KIAA0825: variants seen among roughly 807,000 people sequenced by gnomAD.
KIAA0825 encodes uncharacterized protein KIAA0825.
Under a neutral mutation model 147.6 loss-of-function variants are expected in KIAA0825, and 119 were observed. That is an observed-to-expected ratio of 0.81 (90% CI 0.69 to 0.94). KIAA0825 has a LOEUF of 0.94. Ranked by LOEUF, KIAA0825 falls within the 40% of genes least tolerant of loss-of-function variation. KIAA0825 has a pLI of 0.00. For missense variants in KIAA0825, 1,381 were observed against 1,472.7 expected (o/e 0.94, Z 1.02); for synonymous variants, 470 against 518.1 (o/e 0.91, Z 1.26).
intron 2 of KIAA0825, among the ~76,000 whole-genome samples, chr5:94,574,998 T>C (rs1376309056): frequency 6.6e-6 from 1 of 152,198 alleles, no homozygotes. Context: ...GCCCTTGTAA[T>C]TAAAGTGATG....
At chr5:94,215,661 A>G (rs1185871151) in intron 20 of KIAA0825, among the ~76,000 whole-genome samples, 2 of 151,856 alleles carry the variant, frequency 1.3e-5, no homozygotes, top group Non-Finnish European at 2.9e-5. Flanking sequence ...TCCCTTTTTA[A>G]TCTTAATCTA....
chr5:94,536,929 A>C (rs1772148110), intron 3 of KIAA0825, 67 bp downstream of exon 3: 2 of 1,120,210 alleles, frequency 1.8e-6, no homozygotes, highest in South Asian at 3.0e-5. Context: ...GGATACAAAT[A>C]GACCAGGTAA....
intron 1 of KIAA0825, among the ~76,000 whole-genome samples, chr5:94,583,713 A>G (rs959642118): frequency 1.3e-5 from 2 of 152,168 alleles, no homozygotes; most frequent in Non-Finnish European, 2.9e-5. Context: ...TAATGGACAG[A>G]CTGCCTCCTC....
chr5:94,213,425 C>T (rs1285062000), intron 20 of KIAA0825, among the ~76,000 whole-genome samples: 1 of 152,078 alleles, frequency 6.6e-6, no homozygotes, highest in Non-Finnish European at 1.5e-5. Context: ...CCTATTCCAC[C>T]CACCTAATAC....
intron 20 of KIAA0825, among the ~76,000 whole-genome samples, chr5:94,223,812 T>A (rs1411558508): frequency 6.6e-6 from 1 of 152,156 alleles, no homozygotes; most frequent in African/African-American, 2.4e-5. Flanking sequence ...CTTGTAGAAA[T>A]ATGAATGTTT....
At chr5:94,489,520 G>T (rs1763457357) in intron 5 of KIAA0825, among the ~76,000 whole-genome samples, 1 of 151,298 alleles carries the variant, frequency 6.6e-6, no homozygotes, top group Admixed American at 6.6e-5. Flanking sequence ...ACTAGATTTG[G>T]GTCTCAGAAG....
chr5:94,266,084 G>T (rs932027108), intron 20 of KIAA0825, among the ~76,000 whole-genome samples: 1 of 152,114 alleles, frequency 6.6e-6, no homozygotes, highest in African/African-American at 2.4e-5. Context: ...CAACTGACAG[G>T]TATTTGGCAG....
intron 2 of KIAA0825, among the ~76,000 whole-genome samples, chr5:94,545,377 G>T (rs1161307914): frequency 6.6e-6 from 1 of 152,076 alleles, no homozygotes; most frequent in East Asian, 1.9e-4. Flanking sequence ...CACCAGCTGG[G>T]GCAGCTAAGG....
At chr5:94,453,100 A>C in intron 12 of KIAA0825, 31 bp from the exon 13 acceptor site, 1 of 1,103,506 alleles carries the variant, frequency 9.1e-7, no homozygotes, top group Non-Finnish European at 1.3e-6. Context: ...AGTTTAGAAT[A>C]TACAGGAAGC....
chr5:94,403,781 A>C lies in KIAA0825; in HGVS notation c.2675T>G (p.Val892Gly). Residue 892 changes from valine (V) to glycine (G), a missense_variant, in exon 16 of 21, where the codon GTG becomes GGG. Coordinates refer to ENST00000682413, the MANE Select transcript of KIAA0825 (RefSeq NM_001145678.3). ...TCGGATGACCTCTAGCTCGTACTCC[A>C]CGCACGTTGAGACTTTAAAATCAGA... ...FLYNIPVSTCVEYELEVIRCL... is the reference protein window; with the variant it reads ...FLYNIPVSTCGEYELEVIRCL... The C allele has an allele frequency of 6.4e-7, 1 of 1,551,392 alleles. No individual in the cohort carries two copies. The highest frequency in any genetic ancestry group is 1.2e-5 in the South Asian group (1 of 84,032).
chr5:94,614,463 T>C (rs1275122625), intron 1 of KIAA0825, among the ~76,000 whole-genome samples: 4 of 152,262 alleles, frequency 2.6e-5, no homozygotes, highest in Admixed American at 6.5e-5. Context: ...CTAACATCTC[T>C]AACTTGCCCA....
At chr5:94,597,170 A>T (rs2152408954) in intron 1 of KIAA0825, among the ~76,000 whole-genome samples, 1 of 152,290 alleles carries the variant, frequency 6.6e-6, no homozygotes, top group Non-Finnish European at 1.5e-5. Context: ...TTTAAGGGGA[A>T]TGCTCCCAGC....
At chr5:94,425,509 T>C (rs1041880841) in intron 14 of KIAA0825, among the ~76,000 whole-genome samples, 2 of 151,904 alleles carry the variant, frequency 1.3e-5, no homozygotes, top group African/African-American at 4.8e-5. Flanking sequence ...GAGGCAAAGG[T>C]AGGAGGATCA....
At chr5:94,537,767 C>T (rs1346129565) in intron 2 of KIAA0825, among the ~76,000 whole-genome samples, 1 of 152,070 alleles carries the variant, frequency 6.6e-6, no homozygotes, top group Admixed American at 6.5e-5. Context: ...GCCCACAGAC[C>T]ACTGTGAACA....
chr5:94,495,515 C>G (rs1343832576), intron 5 of KIAA0825, among the ~76,000 whole-genome samples: 1 of 152,148 alleles, frequency 6.6e-6, no homozygotes, highest in African/African-American at 2.4e-5. Flanking sequence ...CACCATGTGA[C>G]ATGCATCACC....
intron 20 of KIAA0825, among the ~76,000 whole-genome samples, chr5:94,200,292 A>T (rs2062897631): frequency 6.6e-6 from 1 of 152,086 alleles, no homozygotes; most frequent in African/African-American, 2.4e-5. Context: ...CTTTCCTAGG[A>T]GCTCCTCAGG....
chr5:94,304,460 C>A (rs1431114748), intron 20 of KIAA0825, among the ~76,000 whole-genome samples: 1 of 152,050 alleles, frequency 6.6e-6, no homozygotes, highest in Non-Finnish European at 1.5e-5. Flanking sequence ...CTGGAAGATG[C>A]CGATCTGGTT....
chr5:94,616,877 C>T (rs1192015598), intron 1 of KIAA0825, among the ~76,000 whole-genome samples: 1 of 152,036 alleles, frequency 6.6e-6, no homozygotes, highest in Non-Finnish European at 1.5e-5. Context: ...TCCATTTTTA[C>T]CTGGAGTGAA....
intron 11 of KIAA0825, among the ~76,000 whole-genome samples, chr5:94,464,326 G>A (rs369292922): frequency 2.0e-5 from 3 of 152,026 alleles, no homozygotes; most frequent in African/African-American, 7.2e-5. Flanking sequence ...CTCATTTTCT[G>A]TGATTTCACA....
Sources: gnomAD v4.1 joint callset for allele counts (sites outside exome capture counted in the v4.1 genomes callset) on GRCh38, gnomAD v4.1.1 for gene constraint, MANE v1.5 for transcripts, NCBI Gene and HGNC (gene_info 2026-07-23, HGNC 2026-07-21) for gene names.